Variants in DENND4C observed in about 807,000 individuals in gnomAD.
DENND4C encodes the protein DENN domain containing 4C.
In DENND4C, 108 loss-of-function variants were observed where a neutral mutation model predicts 203.0. That is an observed-to-expected ratio of 0.53 (90% CI 0.46 to 0.62). The LOEUF (loss-of-function observed/expected upper bound fraction) is 0.62. DENND4C is among the 20% of genes least tolerant of loss of function. DENND4C has a pLI of 0.00. For synonymous variants in DENND4C, 871 were observed against 792.4 expected, an observed-to-expected ratio of 1.10 and a Z score of -1.67; for missense variants, 2,481 against 2,301.2, an observed-to-expected ratio of 1.08 and a Z score of -1.60.
intron 12 of DENND4C, among the ~76,000 whole-genome samples, chr9:19,321,987 G>A (rs562169345): frequency 3.2e-4 from 48 of 152,304 alleles, no homozygotes; most frequent in African/African-American, 1.1e-3. Context: ...ATAAAGGATA[G>A]CTGTTAAAGA....
chr9:19,336,451 A>G, intron 19 of DENND4C, 37 bp downstream of exon 19: 1 of 1,589,146 alleles, frequency 6.3e-7, no homozygotes, highest in South Asian at 1.1e-5. Flanking sequence ...TCCTTACTGA[A>G]CCATGAGCTT....
rs772654971 is a variant in DENND4C, at chr9:19,316,734, C to T, written c.1702C>T (p.Arg568Cys). ...GATGGAAATTCAAGAGGCATTTTTG[C>T]GCTTTATGGCGTCTATTTTAAAAGG... ...LEMEIQEAFL[R>C]FMASILKGYR... The change falls in exon 12 of 33, where the codon CGC becomes TGC. Residue 568 changes from arginine (R) to cysteine (C), a missense_variant. This residue lies in a region of DENND4C where 2,289 missense variants were observed against 2,113.3 expected (regional missense o/e 1.08). Transcript: ENST00000434457. 4.3e-6 allele frequency: 7 copies of T among 1,613,858 alleles called. No individual in the cohort carries two copies. The highest frequency in any genetic ancestry group is 2.7e-5 in the African/African-American group (2 of 74,868).
chr9:19,368,465 A>G (rs563331297), intron 30 of DENND4C, among the ~76,000 whole-genome samples: 14 of 152,238 alleles, frequency 9.2e-5, no homozygotes, highest in East Asian at 3.9e-4. Flanking sequence ...AGACTCTGCT[A>G]TATTTAACAG....
At chr9:19,273,305 G>A (rs1258321609) in intron 1 of DENND4C, among the ~76,000 whole-genome samples, 1 of 151,730 alleles carries the variant, frequency 6.6e-6, no homozygotes, top group African/African-American at 2.4e-5. Flanking sequence ...AGGCTGGTCT[G>A]GAACTCCTGA....
At chr9:19,342,322 T>C (rs1052111576) in intron 21 of DENND4C, among the ~76,000 whole-genome samples, 1 of 152,144 alleles carries the variant, frequency 6.6e-6, no homozygotes, top group African/African-American at 2.4e-5. Flanking sequence ...TCCAGAGTTA[T>C]GGAGAAACAA....
chr9:19,308,470 G>C (rs966188165), intron 10 of DENND4C, among the ~76,000 whole-genome samples: 5 of 152,104 alleles, frequency 3.3e-5, no homozygotes, highest in Non-Finnish European at 7.4e-5. Flanking sequence ...CCTCTCCTGT[G>C]AATTGGATGT....
intron 17 of DENND4C, 47 bp from the exon 18 acceptor site, chr9:19,334,930 A>T: frequency 6.7e-7 from 1 of 1,492,504 alleles, no homozygotes; most frequent in Non-Finnish European, 9.0e-7. Flanking sequence ...CAATTCACAG[A>T]TAGATTAGTA....
intron 10 of DENND4C, among the ~76,000 whole-genome samples, chr9:19,313,804 G>T (rs1841214145): frequency 6.6e-6 from 1 of 152,178 alleles, no homozygotes. Flanking sequence ...GTAGCGTGCT[G>T]TCAAACTCAT....
At chr9:19,334,953 A>G in intron 17 of DENND4C, 24 bp from the exon 18 acceptor site, 1 of 1,572,010 alleles carries the variant, frequency 6.4e-7, no homozygotes, top group Non-Finnish European at 8.6e-7. Flanking sequence ...CTAATTACTG[A>G]CACTGATTTT....
At position 19,336,696 on chromosome 9, in the gene DENND4C, T is replaced by G; in HGVS notation, c.2745T>G (p.Asn915Lys). 1 of 1,550,900 alleles carries G rather than the reference T, an allele frequency of 6.4e-7. No homozygotes were observed. Residue 915 changes from asparagine (N) to lysine (K), a missense_variant, in exon 20 of 33, where the codon AAT becomes AAG. Coordinates refer to ENST00000434457, the MANE Select transcript of DENND4C (RefSeq NM_001330640.2). The stretch of plus-strand genomic sequence containing the variant: ...TGTCCTTATCTTTAGCTCTTCAAAA[T>G]GTCACAGGTGGAAGTGATGGGGACA... The part of the protein sequence containing the change: ...SQVSSISALQ[N>K]VTGGSDGDTV...
At chr9:19,371,702 T>C (rs1259072409) in intron 31 of DENND4C, 54 bp from the exon 32 acceptor site, 1 of 893,292 alleles carries the variant, frequency 1.1e-6, no homozygotes, top group African/African-American at 1.7e-5. Context: ...AAAAAATGCA[T>C]CTGTGTTTTT....
intron 31 of DENND4C, among the ~76,000 whole-genome samples, chr9:19,371,025 G>A (rs987934049): frequency 5.3e-5 from 8 of 152,230 alleles, no homozygotes; most frequent in African/African-American, 1.9e-4. Context: ...AGCATCTGTA[G>A]TTTAAGGACA....
At chr9:19,280,943 G>A (rs543523524) in intron 2 of DENND4C, among the ~76,000 whole-genome samples, 16 of 152,176 alleles carry the variant, frequency 1.1e-4, no homozygotes, top group African/African-American at 3.1e-4. Flanking sequence ...GGTTTCTCAT[G>A]TTGCCCAGGC....
Position 19,315,490 on chromosome 9 carries a change from A to AATAT in DENND4C, c.1488-915_1488-912dup, listed in dbSNP as rs150250739. 1.1e-4 allele frequency among the ~76,000 whole-genome samples: 16 copies of AATAT among 148,404 alleles called. 1 individual carries two copies. Among genetic ancestry groups the AATAT allele is most frequent in the Non-Finnish European group, 1.6e-4 (11 of 67,040 alleles). On this transcript the variant is annotated intron_variant, in intron 10 of 32. Coordinates refer to ENST00000434457, the MANE Select transcript of DENND4C (RefSeq NM_001330640.2). ...GTATTTTATATTCTTATATTCTTGG[A>AATAT]ATATATATATATATACATGTATGTA...
intron 1 of DENND4C, among the ~76,000 whole-genome samples, chr9:19,249,384 C>A (rs1348868500): frequency 2.6e-5 from 4 of 151,870 alleles, no homozygotes; most frequent in Non-Finnish European, 5.9e-5. Flanking sequence ...TCCCGAGTAG[C>A]TGGGATTACA....
chr9:19,374,188 T>A lies in DENND4C; in HGVS notation c.*2015T>A, dbSNP rs1417146938. The stretch of plus-strand genomic sequence containing the variant: ...ATCTTTAGAATCCCAATATTTTGTT[T>A]TTTCCATTCCTTCACTCGTAACTTG... On this transcript the variant is annotated 3_prime_UTR_variant, in exon 33 of 33. Coordinates refer to ENST00000434457, the MANE Select transcript of DENND4C (RefSeq NM_001330640.2). 1.3e-5 allele frequency among the ~76,000 whole-genome samples: 2 copies of A among 152,164 alleles called. No individual in the cohort carries two copies. Among genetic ancestry groups the A allele is most frequent in the Non-Finnish European group, 2.9e-5 (2 of 68,030 alleles).
At chr9:19,355,198 C>T (rs1825129759) in intron 26 of DENND4C, among the ~76,000 whole-genome samples, 1 of 152,190 alleles carries the variant, frequency 6.6e-6, no homozygotes, top group African/African-American at 2.4e-5. Flanking sequence ...GCGTCAGCCA[C>T]CATGCCTGGC....
chr9:19,340,656 G>C (rs747114038), intron 20 of DENND4C, among the ~76,000 whole-genome samples: 1 of 152,154 alleles, frequency 6.6e-6, no homozygotes, highest in African/African-American at 2.4e-5. Context: ...AAAGTAAGCA[G>C]ATATATGTGT....
intron 5 of DENND4C, 130 bp from the exon 6 acceptor site, chr9:19,295,878 G>C: frequency 1.5e-6 from 1 of 668,824 alleles, no homozygotes; most frequent in Non-Finnish European, 2.4e-6. Flanking sequence ...ATTTGGGTGA[G>C]ATTTTTTTTT....
Sources: allele counts gnomAD v4.1 joint callset (sites outside exome capture counted in the v4.1 genomes callset), GRCh38; gene constraint gnomAD v4.1.1; regional missense constraint gnomAD v4.1.1; transcripts MANE v1.5; gene names NCBI Gene and HGNC (gene_info 2026-07-23, HGNC 2026-07-21).